The following UBE2E2 variants were observed in gnomAD, a reference collection of about 807,000 sequenced individuals.
UBE2E2 encodes ubiquitin conjugating enzyme E2 E2.
UBE2E2 carries 6 observed loss-of-function variants against 24.7 expected under a neutral mutation model. The observed-to-expected ratio is 0.24, with a 90% CI of 0.13 to 0.48. The LOEUF is 0.48. Ranked by LOEUF, UBE2E2 falls within the 20% of genes least tolerant of loss-of-function variation. The probability of loss-of-function intolerance (pLI) is 0.99; values close to 1 mark genes in which losing one functional copy is unlikely to be tolerated. For missense variants in UBE2E2, 169 were observed against 245.0 expected (o/e 0.69, Z 2.07); for synonymous variants, 104 against 83.6 (o/e 1.24, Z -1.33).
chr3:23,517,956 A>G (rs139533134), intron 4 of UBE2E2, among the ~76,000 whole-genome samples: 27 of 152,314 alleles, frequency 1.8e-4, no homozygotes, highest in Non-Finnish European at 3.5e-4. Flanking sequence ...AGCAGGAATA[A>G]AACATTAGAA....
At position 23,469,503 on chromosome 3, in the gene UBE2E2, ATATC is replaced by A. The variant is rs1698990276; in HGVS notation, c.228-30101_228-30098del. On this transcript the variant is annotated intron_variant, in intron 3 of 5. Transcript: ENST00000396703. ...TTTACCTTCATAGTAATACCAGTGG[ATATC>A]TATGGCATCTTCCTCCTGTGTTTTG... Among the ~76,000 whole-genome samples the A allele has an allele frequency of 2.6e-5, 4 of 152,196 alleles. No individual in the cohort carries two copies. In the South Asian group the frequency reaches 6.2e-4, roughly 24 times the overall value.
intron 3 of UBE2E2, among the ~76,000 whole-genome samples, chr3:23,435,616 T>C (rs1054423876): frequency 7.9e-5 from 12 of 152,152 alleles, no homozygotes; most frequent in African/African-American, 2.7e-4. Context: ...CTAGGAGCTA[T>C]GGGAGGCAGG....
intron 3 of UBE2E2, among the ~76,000 whole-genome samples, chr3:23,379,248 T>A (rs1333404427): frequency 2.2e-5 from 1 of 46,190 alleles, no homozygotes; most frequent in Non-Finnish European, 4.6e-5. Flanking sequence ...TTTTATTTTA[T>A]TTTTTTTTAT....
chr3:23,364,056 A>G (rs145513470), intron 3 of UBE2E2, among the ~76,000 whole-genome samples: 104 of 152,306 alleles, frequency 6.8e-4, no homozygotes, highest in African/African-American at 2.4e-3. Context: ...TGGGTAAACA[A>G]TGAAATTAAG....
chr3:23,455,908 C>T (rs1698667664), intron 3 of UBE2E2, among the ~76,000 whole-genome samples: 1 of 152,164 alleles, frequency 6.6e-6, no homozygotes, highest in Non-Finnish European at 1.5e-5. Context: ...CATCCTTTCA[C>T]AAAAGATTTC....
intron 3 of UBE2E2, among the ~76,000 whole-genome samples, chr3:23,394,426 G>A (rs1211625535): frequency 2.0e-5 from 3 of 152,168 alleles, no homozygotes; most frequent in Non-Finnish European, 2.9e-5. Flanking sequence ...GCTGGGTAAC[G>A]TTCAGCCTTA....
intron 3 of UBE2E2, among the ~76,000 whole-genome samples, chr3:23,311,440 C>A (rs1694389505): frequency 6.6e-6 from 1 of 152,146 alleles, no homozygotes; most frequent in Non-Finnish European, 1.5e-5. Context: ...CCTTGAGGAA[C>A]CACCACACTG....
chr3:23,539,154 G>A (rs2125490830), intron 5 of UBE2E2, among the ~76,000 whole-genome samples: 2 of 152,226 alleles, frequency 1.3e-5, no homozygotes, highest in East Asian at 3.9e-4. Context: ...GACAAAGCAA[G>A]GATTTCCTAT....
At chr3:23,472,983 A>G (rs576244234) in intron 3 of UBE2E2, among the ~76,000 whole-genome samples, 97 of 152,056 alleles carry the variant, frequency 6.4e-4, no homozygotes, top group Non-Finnish European at 1.2e-3. Flanking sequence ...ATCCTTTGAT[A>G]ACTTTATTTC....
chr3:23,396,071 T>G (rs1697065639), intron 3 of UBE2E2, among the ~76,000 whole-genome samples: 1 of 151,934 alleles, frequency 6.6e-6, no homozygotes, highest in African/African-American at 2.4e-5. Flanking sequence ...AATAGTTCTT[T>G]TGATTGTTGT....
intron 3 of UBE2E2, among the ~76,000 whole-genome samples, chr3:23,368,777 C>T (rs1243705429): frequency 6.6e-6 from 1 of 152,022 alleles, no homozygotes; most frequent in East Asian, 1.9e-4. Flanking sequence ...ATTGGATTTT[C>T]ACAACAAAAA....
intron 3 of UBE2E2, among the ~76,000 whole-genome samples, chr3:23,436,149 C>T (rs1033529827): frequency 2.0e-5 from 3 of 150,800 alleles, no homozygotes; most frequent in African/African-American, 4.9e-5. Flanking sequence ...AGACTGTTAG[C>T]AGTCTGTGGC....
At chr3:23,584,053 T>G (rs1056715080) in intron 5 of UBE2E2, among the ~76,000 whole-genome samples, 1 of 152,138 alleles carries the variant, frequency 6.6e-6, no homozygotes, top group South Asian at 2.1e-4. Context: ...TGGCTGTGGG[T>G]TTTTCATAGA....
chr3:23,290,857 T>A, intron 3 of UBE2E2, among the ~76,000 whole-genome samples: 2 of 128,332 alleles, frequency 1.6e-5, no homozygotes, highest in East Asian at 2.3e-4. Flanking sequence ...GAGTTCAACA[T>A]CAGCCTGGGC....
chr3:23,252,470 G>A (rs1039349340), intron 3 of UBE2E2, among the ~76,000 whole-genome samples: 3 of 152,094 alleles, frequency 2.0e-5, no homozygotes, highest in Admixed American at 2.0e-4. Context: ...TGGTTTGCCA[G>A]TAAAACAAAA....
chr3:23,227,779 A>G (rs899509242), intron 3 of UBE2E2, among the ~76,000 whole-genome samples: 1 of 152,166 alleles, frequency 6.6e-6, no homozygotes, highest in Non-Finnish European at 1.5e-5. Context: ...GTACTGTGTG[A>G]GAGGGAGTGA....
intron 3 of UBE2E2, among the ~76,000 whole-genome samples, chr3:23,298,602 A>T (rs1381217515): frequency 6.6e-6 from 1 of 151,554 alleles, no homozygotes; most frequent in Non-Finnish European, 1.5e-5. Context: ...ATTGATTTGC[A>T]TATATTGAAC....
At chr3:23,539,393 C>G (rs1268575784) in intron 5 of UBE2E2, among the ~76,000 whole-genome samples, 4 of 152,164 alleles carry the variant, frequency 2.6e-5, no homozygotes, top group Non-Finnish European at 4.4e-5. Flanking sequence ...TAAAACTAGA[C>G]TTTACCATAT....
chr3:23,458,589 T>C (rs1448717295), intron 3 of UBE2E2, among the ~76,000 whole-genome samples: 3 of 152,120 alleles, frequency 2.0e-5, no homozygotes, highest in Non-Finnish European at 4.4e-5. Context: ...GGCTAATTTT[T>C]TGTATTTTTA....
Sources: gnomAD v4.1 joint callset for allele counts (sites outside exome capture counted in the v4.1 genomes callset) on GRCh38, gnomAD v4.1.1 for gene constraint, MANE v1.5 for transcripts, NCBI Gene and HGNC (gene_info 2026-07-23, HGNC 2026-07-21) for gene names.